The following CCDC30 variants were observed in gnomAD, a reference collection of about 807,000 sequenced individuals.
CCDC30 encodes coiled-coil domain containing 30.
Under a neutral mutation model 100.2 loss-of-function variants are expected in CCDC30, and 70 were observed. That is an observed-to-expected ratio of 0.70 (90% CI 0.58 to 0.85). The LOEUF (loss-of-function observed/expected upper bound fraction) is 0.85, where lower values mean the gene tolerates loss of function less well. Ranked by LOEUF, CCDC30 falls within the 40% of genes least tolerant of loss-of-function variation. The pLI is 0.00. For missense variants in CCDC30, 652 were observed against 771.2 expected, an observed-to-expected ratio of 0.85 and a Z score of 1.83; for synonymous variants, 233 against 269.5, an observed-to-expected ratio of 0.86 and a Z score of 1.33.
intron 12 of CCDC30, among the ~76,000 whole-genome samples, chr1:42,639,601 T>A (rs1201727398): frequency 2.0e-5 from 3 of 152,184 alleles, no homozygotes; most frequent in Admixed American, 1.3e-4. Context: ...GGCTTTGGCC[T>A]TAAATAGACT....
rs66804938 is a variant in CCDC30, at chr1:42,546,399, AATATATATATATATATATATATAT to A, written c.457-19877_457-19854del. On this transcript the variant is annotated intron_variant, in intron 6 of 16. Transcript: ENST00000668663. ...AAATTCTGTCTCAAAAAAAAAAAAAAATATATATATATATATATATATATATATATATATATATATATAGTATTC... is the reference window on the plus strand; with the variant it reads ...AAATTCTGTCTCAAAAAAAAAAAAAAATATATATATATATATATAGTATTC... 5.3e-3 allele frequency among the ~76,000 whole-genome samples: 64 copies of A among 11,990 alleles called. 4 individuals carry two copies. Among genetic ancestry groups the A allele is most frequent in the African/African-American group, 0.012 (58 of 4,928 alleles). 7.9% of individuals were successfully genotyped at this position (11,990 alleles called of 152,430 possible).
At chr1:42,630,049 A>ACTG (rs1443644191) in intron 11 of CCDC30, among the ~76,000 whole-genome samples, 1 of 144,292 alleles carries the variant, frequency 6.9e-6, no homozygotes, top group Non-Finnish European at 1.5e-5. Flanking sequence ...ATCTCAGCTA[A>ACTG]CTGCAACCTC....
intron 11 of CCDC30, among the ~76,000 whole-genome samples, chr1:42,618,006 T>C (rs1646757653): frequency 1.3e-5 from 2 of 152,210 alleles, no homozygotes; most frequent in Non-Finnish European, 2.9e-5. Context: ...GCTTGGAGGT[T>C]AGAAGTAAGA....
upstream of CCDC30, among the ~76,000 whole-genome samples, chr1:42,458,587 T>C (rs559188204): frequency 1.3e-5 from 2 of 152,370 alleles, no homozygotes; most frequent in South Asian, 4.1e-4. Flanking sequence ...TTAGTAGTGA[T>C]AAATGCTAAG....
chr1:42,582,067 A>G (rs1401747675), intron 9 of CCDC30, among the ~76,000 whole-genome samples: 1 of 151,380 alleles, frequency 6.6e-6, no homozygotes, highest in Non-Finnish European at 1.5e-5. Context: ...ACCAAAAAAA[A>G]AAAAAAAAAA....
intron 1 of CCDC30, among the ~76,000 whole-genome samples, chr1:42,478,775 CAA>C (rs965367047): frequency 3.3e-5 from 5 of 151,566 alleles, no homozygotes; most frequent in Admixed American, 1.3e-4. Context: ...CAGAATAAAA[CAA>C]AACAAAAACC....
intron 6 of CCDC30, among the ~76,000 whole-genome samples, chr1:42,554,864 C>CTT (rs1224875019): frequency 1.3e-5 from 2 of 152,028 alleles, no homozygotes; most frequent in Non-Finnish European, 2.9e-5. Flanking sequence ...TTACTTTCCC[C>CTT]TTTCTCCCTG....
the CCDC30 span, chr1:42,457,248 C>T: frequency 3.8e-5 from 61 of 1,613,928 alleles, no homozygotes; most frequent in Non-Finnish European, 5.1e-5. Context: ...TCTTTGCAGG[C>T]CCTTCTGCGA....
intron 6 of CCDC30, chr1:42,537,999 A>G (rs1395547730): frequency 2.0e-5 from 3 of 152,722 alleles, no homozygotes; most frequent in Admixed American, 1.3e-4. Context: ...GCATTTAGCC[A>G]AAGTGTTTTC....
intron 9 of CCDC30, among the ~76,000 whole-genome samples, chr1:42,584,935 A>AT (rs1385529617): frequency 6.6e-6 from 1 of 151,936 alleles, no homozygotes; most frequent in Non-Finnish European, 1.5e-5. Flanking sequence ...CTCTCCTTCA[A>AT]TTTTTTTTGG....
intron 4 of CCDC30, chr1:42,491,708 C>T (rs187487101): frequency 5.7e-4 from 119 of 209,400 alleles, no homozygotes; most frequent in Non-Finnish European, 8.0e-4. Context: ...TGTATCAAAA[C>T]ATGTAGCCTT....
rs144287555 is a variant in CCDC30 at position 42,635,007 on chromosome 1, A to G, written c.1278-2230A>G. 1.2e-3 allele frequency among the ~76,000 whole-genome samples: 176 copies of G among 152,148 alleles called. 2 individuals are homozygous for G. Among genetic ancestry groups the G allele is most frequent in the Admixed American group, 9.8e-3 (149 of 15,256 alleles). ...GGTTCATGTTGTAGCATGTATCAGT[A>G]CTTCCTTTCTTTTTATAACATTGTA... is the stretch of plus-strand genomic sequence containing the variant. On this transcript the variant is annotated intron_variant, in intron 11 of 16. Coordinates refer to ENST00000668663, the Ensembl canonical transcript of CCDC30.
chr1:42,543,853 A>C (rs1252433155), intron 6 of CCDC30, among the ~76,000 whole-genome samples: 1 of 152,186 alleles, frequency 6.6e-6, no homozygotes, highest in Non-Finnish European at 1.5e-5. Flanking sequence ...AGAATTGAAA[A>C]GGCATAGGAA....
At chr1:42,536,687 A>C in intron 6 of CCDC30, 86 bp downstream of exon 7, 1 of 995,970 alleles carries the variant, frequency 1.0e-6, no homozygotes, top group Non-Finnish European at 1.5e-6. Context: ...AAGTATAACT[A>C]TGTGTCTCAG....
chr1:42,571,713 C>T (rs1645736807), intron 7 of CCDC30, among the ~76,000 whole-genome samples: 1 of 152,180 alleles, frequency 6.6e-6, no homozygotes, highest in Admixed American at 6.5e-5. Context: ...TCTACATACA[C>T]TCATTTCATT....
At chr1:42,538,877 G>T (rs1453028206) in intron 6 of CCDC30, among the ~76,000 whole-genome samples, 3 of 152,156 alleles carry the variant, frequency 2.0e-5, no homozygotes, top group Non-Finnish European at 2.9e-5. Context: ...CATTGCCAAA[G>T]AATTTACCTG....
chr1:42,459,517 A>T, upstream of CCDC30: 2 of 1,165,962 alleles, frequency 1.7e-6, no homozygotes, highest in Non-Finnish European at 1.2e-6. Flanking sequence ...AATCCCACTT[A>T]AATTTAATTC....
At chr1:42,510,174 C>T (rs927622749) in intron 6 of CCDC30, 2 of 899,276 alleles carry the variant, frequency 2.2e-6, no homozygotes, top group African/African-American at 3.6e-5. Context: ...GCCTCTCTTC[C>T]AATTGGGAAT....
chr1:42,498,947 A>T (rs1207701820), intron 6 of CCDC30, 31 bp downstream of exon 6: 4 of 1,158,316 alleles, frequency 3.5e-6, no homozygotes, highest in African/African-American at 3.2e-5. Flanking sequence ...GTTCTTTCTG[A>T]TCTCTAATTT....
Sources: gnomAD v4.1 joint callset for allele counts (sites outside exome capture counted in the v4.1 genomes callset) on GRCh38, gnomAD v4.1.1 for gene constraint, MANE v1.5 for transcripts, NCBI Gene and HGNC (gene_info 2026-07-23, HGNC 2026-07-21) for gene names.